IL1RAPL2: variants seen among roughly 807,000 people sequenced by gnomAD.
IL1RAPL2 encodes the protein interleukin 1 receptor accessory protein like 2.
A neutral mutation model predicts 44.1 loss-of-function variants in IL1RAPL2; 3 were observed. The observed-to-expected ratio is 0.07, with a 90% CI of 0.03 to 0.18. The LOEUF is 0.18. Among genes scored for constraint, IL1RAPL2 ranks in the 10% least tolerant of loss-of-function variants. The probability of loss-of-function intolerance (pLI) is 1.00; values close to 1 mark genes in which losing one functional copy is unlikely to be tolerated. For synonymous variants in IL1RAPL2, 181 were observed against 178.8 expected (o/e 1.01, Z -0.10); for missense variants, 391 against 496.4 (o/e 0.79, Z 2.02).
intron 5 of IL1RAPL2, among the ~76,000 whole-genome samples, chrX:105,279,625 G>T (rs867289830): frequency 9.0e-6 from 1 of 110,960 alleles, no homozygotes; most frequent in Non-Finnish European, 1.9e-5. Context: ...GACTACAGGC[G>T]TGCACCACCA....
At chrX:105,070,429 A>G (rs2032191220) in intron 2 of IL1RAPL2, among the ~76,000 whole-genome samples, 1 of 111,591 alleles carries the variant, frequency 9.0e-6, no homozygotes, top group Non-Finnish European at 1.9e-5. Context: ...GAGTATGTTC[A>G]CCTTTTATAA....
chrX:104,636,005 G>A (rs981810050), intron 1 of IL1RAPL2, among the ~76,000 whole-genome samples: 2 of 111,663 alleles, frequency 1.8e-5, no homozygotes, highest in African/African-American at 6.5e-5. Context: ...TGATGGTGAT[G>A]TACAGATGGG....
Position 104,673,551 on chromosome X carries a change from T to C in IL1RAPL2, c.82+14556T>C, listed in dbSNP as rs1051221845. ...TAGTGTGATGCCTCCAGCTTTGTTC[T>C]TTTGGCTTAGGATTGATTTGGCGAT... On this transcript the variant is annotated intron_variant, in intron 2 of 10. Coordinates refer to ENST00000372582, the MANE Select transcript of IL1RAPL2 (RefSeq NM_017416.2). 5.7e-4 allele frequency among the ~76,000 whole-genome samples: 63 copies of C among 111,351 alleles called. 1 individual carries two copies. Among genetic ancestry groups the C allele is most frequent in the African/African-American group, 2.0e-3 (61 of 30,461 alleles).
intron 5 of IL1RAPL2, among the ~76,000 whole-genome samples, chrX:105,275,763 A>C (rs1456170066): frequency 9.0e-6 from 1 of 111,608 alleles, no homozygotes; most frequent in Non-Finnish European, 1.9e-5. Flanking sequence ...CTTGGCTGAG[A>C]GAGTTTAAAA....
intron 2 of IL1RAPL2, among the ~76,000 whole-genome samples, chrX:104,876,672 G>C (rs1417831094): frequency 1.1e-5 from 1 of 88,224 alleles, no homozygotes; most frequent in Non-Finnish European, 2.2e-5. Flanking sequence ...TTTTTTTCAA[G>C]GGACATGCTG....
intron 2 of IL1RAPL2, among the ~76,000 whole-genome samples, chrX:104,710,152 T>C (rs1931433233): frequency 9.0e-6 from 1 of 111,015 alleles, no homozygotes; most frequent in Non-Finnish European, 1.9e-5. Context: ...GTGAAAGAAC[T>C]GAAAACAGAG....
chrX:105,719,539 T>G (rs369314776), intron 7 of IL1RAPL2, among the ~76,000 whole-genome samples: 6 of 111,347 alleles, frequency 5.4e-5, no homozygotes, highest in African/African-American at 2.0e-4. Flanking sequence ...CACCACTTTA[T>G]AGTACCAGAA....
At chrX:105,581,803 T>G (rs1382134430) in intron 6 of IL1RAPL2, among the ~76,000 whole-genome samples, 2 of 111,380 alleles carry the variant, frequency 1.8e-5, no homozygotes, top group African/African-American at 6.5e-5. Flanking sequence ...TATATAAAAT[T>G]GTTTATCTCA....
intron 2 of IL1RAPL2, among the ~76,000 whole-genome samples, chrX:104,865,367 A>G (rs1274309729): frequency 8.9e-6 from 1 of 111,982 alleles, no homozygotes; most frequent in African/African-American, 3.2e-5. Flanking sequence ...TAGCTATATT[A>G]TGTTAGGCAT....
chrX:104,612,720 A>G (rs1469080230), intron 1 of IL1RAPL2, among the ~76,000 whole-genome samples: 1 of 111,403 alleles, frequency 9.0e-6, no homozygotes, highest in African/African-American at 3.3e-5. Context: ...GAAAAATGAC[A>G]TTGGTAGTTT....
rs1932546952 is a variant in IL1RAPL2, at chrX:104,766,047, CAG to C, written c.82+107055_82+107056del. Reference sequence around the variant, plus strand: ...TTTTAGATATTAGCTGGGAAAAGTACAGAGTGAAGACTGACTGTCTGCATTGG... The same window carrying C: ...TTTTAGATATTAGCTGGGAAAAGTACAGTGAAGACTGACTGTCTGCATTGG... On this transcript the variant is annotated intron_variant, in intron 2 of 10. Coordinates refer to ENST00000372582, the MANE Select transcript of IL1RAPL2 (RefSeq NM_017416.2). Among the ~76,000 whole-genome samples the C allele has an allele frequency of 2.7e-5, 3 of 112,218 alleles. No homozygotes were observed. In the South Asian group the frequency reaches 1.1e-3, roughly 42 times the overall value.
At chrX:104,667,251 C>A (rs766191432) in intron 2 of IL1RAPL2, among the ~76,000 whole-genome samples, 5 of 111,515 alleles carry the variant, frequency 4.5e-5, no homozygotes, top group Non-Finnish European at 9.4e-5. Context: ...CAAATTCTGC[C>A]AAGGATTGTC....
intron 2 of IL1RAPL2, among the ~76,000 whole-genome samples, chrX:104,762,725 C>T (rs957990089): frequency 1.8e-5 from 2 of 112,347 alleles, no homozygotes; most frequent in African/African-American, 6.5e-5. Context: ...CCAAACCCTT[C>T]CTGATTTCTG....
At chrX:105,737,144 C>T (rs2038456683) in intron 7 of IL1RAPL2, among the ~76,000 whole-genome samples, 1 of 111,289 alleles carries the variant, frequency 9.0e-6, no homozygotes, top group African/African-American at 3.3e-5. Context: ...AAACCAAATA[C>T]CACATGTTCT....
chrX:105,550,299 G>C (rs1164949379), intron 6 of IL1RAPL2, among the ~76,000 whole-genome samples: 2 of 111,969 alleles, frequency 1.8e-5, no homozygotes, highest in Non-Finnish European at 3.8e-5. Context: ...ATCTTCTTCA[G>C]TGTAATCTTT....
At chrX:104,700,259 C>T (rs1192351440) in intron 2 of IL1RAPL2, among the ~76,000 whole-genome samples, 1 of 111,703 alleles carries the variant, frequency 9.0e-6, no homozygotes, top group African/African-American at 3.3e-5. Flanking sequence ...AAGAATTGGG[C>T]TACATAGAGA....
intron 2 of IL1RAPL2, among the ~76,000 whole-genome samples, chrX:105,149,465 G>A (rs969866514): frequency 2.7e-5 from 3 of 111,662 alleles, no homozygotes; most frequent in African/African-American, 9.8e-5. Context: ...GTAAGTAGGG[G>A]TAGTAATAAT....
intron 2 of IL1RAPL2, among the ~76,000 whole-genome samples, chrX:104,950,721 T>TTTTTG (rs2147710100): frequency 1.8e-5 from 2 of 109,309 alleles, no homozygotes; most frequent in Admixed American, 1.9e-4. Flanking sequence ...TTTTGTTTTT[T>TTTTTG]TTTTTGAGAC....
chrX:104,870,879 T>C (rs1056347123), intron 2 of IL1RAPL2, among the ~76,000 whole-genome samples: 1 of 111,312 alleles, frequency 9.0e-6, no homozygotes, highest in Non-Finnish European at 1.9e-5. Context: ...GTATATCTTA[T>C]GGAATGCTTT....
Sources: gnomAD v4.1 joint callset for allele counts (sites outside exome capture counted in the v4.1 genomes callset) on GRCh38, gnomAD v4.1.1 for gene constraint, MANE v1.5 for transcripts, NCBI Gene and HGNC (gene_info 2026-07-23, HGNC 2026-07-21) for gene names.